The following CA10 variants were observed in gnomAD, a reference collection of about 807,000 sequenced individuals.
CA10 encodes the protein carbonic anhydrase-related protein 10.
Under a neutral mutation model 44.2 loss-of-function variants are expected in CA10, and 14 were observed. That is an observed-to-expected ratio of 0.32 (90% CI 0.21 to 0.50). The LOEUF is 0.50. CA10 is among the 20% of genes least tolerant of loss of function. CA10 has a pLI of 0.99. For missense variants in CA10, 350 were observed against 409.7 expected (o/e 0.85, Z 1.26); for synonymous variants, 159 against 141.6 (o/e 1.12, Z -0.87).
At chr17:52,047,068 AACT>A (rs1986932584) in intron 2 of CA10, among the ~76,000 whole-genome samples, 5 of 152,112 alleles carry the variant, frequency 3.3e-5, no homozygotes, top group South Asian at 2.1e-4. Context: ...ATCTAGAAGC[AACT>A]CAAACTGTTC....
chr17:51,978,532 TTCATA>T (rs1015393267), intron 2 of CA10, among the ~76,000 whole-genome samples: 1 of 151,876 alleles, frequency 6.6e-6, no homozygotes, highest in Non-Finnish European at 1.5e-5. Context: ...TAACCTCTAC[TTCATA>T]TCATATCATT....
At chr17:51,663,080 T>C (rs1170468081) in intron 4 of CA10, among the ~76,000 whole-genome samples, 1 of 152,262 alleles carries the variant, frequency 6.6e-6, no homozygotes. Flanking sequence ...TATCTAAGAA[T>C]TGTCATGAGA....
chr17:51,635,067 A>C (rs921332039), intron 7 of CA10, among the ~76,000 whole-genome samples: 15 of 152,236 alleles, frequency 9.9e-5, no homozygotes, highest in Non-Finnish European at 1.9e-4. Context: ...CTAGTTGCTC[A>C]GAATGTGACC....
chr17:51,849,578 G>A (rs1978698571), intron 3 of CA10, among the ~76,000 whole-genome samples: 1 of 152,050 alleles, frequency 6.6e-6, no homozygotes, highest in Non-Finnish European at 1.5e-5. Flanking sequence ...TAATCTTTCT[G>A]CAACTATTTC....
chr17:51,668,646 C>G lies in CA10; in HGVS notation c.466-14910G>C, dbSNP rs116480421. Among the ~76,000 whole-genome samples the G allele has an allele frequency of 7.4e-3, 1,124 of 152,318 alleles. 10 individuals are homozygous for G. Among genetic ancestry groups the G allele is most frequent in the African/African-American group, 0.025 (1,042 of 41,576 alleles). ...CAACCCTTGCTCGCTCTCGGGACCT[C>G]CTCGGCCTCTGCATCCACTCTGGCC... On this transcript the variant is annotated intron_variant, in intron 4 of 8. Coordinates refer to ENST00000451037, the MANE Select transcript of CA10 (RefSeq NM_020178.5).
intron 2 of CA10, among the ~76,000 whole-genome samples, chr17:51,951,453 A>G (rs1983477497): frequency 6.6e-6 from 1 of 152,180 alleles, no homozygotes; most frequent in Admixed American, 6.5e-5. Flanking sequence ...ATGATGCTCC[A>G]TTACTTAATT....
intron 3 of CA10, among the ~76,000 whole-genome samples, chr17:51,820,272 C>A (rs1907720433): frequency 7.2e-6 from 1 of 139,358 alleles, no homozygotes; most frequent in South Asian, 2.3e-4. Flanking sequence ...CCAATGCGTT[C>A]TTTTCTTGTG....
intron 3 of CA10, among the ~76,000 whole-genome samples, chr17:51,765,686 G>A (rs999998378): frequency 5.7e-5 from 7 of 122,774 alleles, no homozygotes; most frequent in Non-Finnish European, 1.1e-4. Flanking sequence ...AAGGCAGGCA[G>A]CTCCCTGTGT....
At chr17:51,770,105 T>C (rs1227998351) in intron 3 of CA10, among the ~76,000 whole-genome samples, 2 of 139,816 alleles carry the variant, frequency 1.4e-5, no homozygotes, top group Non-Finnish European at 3.1e-5. Flanking sequence ...TTAAACCTTT[T>C]AAAAATAGCC....
intron 2 of CA10, among the ~76,000 whole-genome samples, chr17:52,025,668 C>T (rs1406182472): frequency 1.3e-5 from 2 of 152,096 alleles, no homozygotes; most frequent in Admixed American, 6.6e-5. Flanking sequence ...AGGACACTGC[C>T]ATTTCTATTC....
intron 1 of CA10, among the ~76,000 whole-genome samples, chr17:52,142,351 A>G (rs1218853727): frequency 6.6e-6 from 1 of 152,206 alleles, no homozygotes; most frequent in Non-Finnish European, 1.5e-5. Context: ...CCTCCTTTAC[A>G]AAGAGACTAT....
At chr17:51,967,143 C>A (rs1393006906) in intron 2 of CA10, among the ~76,000 whole-genome samples, 2 of 151,584 alleles carry the variant, frequency 1.3e-5, no homozygotes, top group Non-Finnish European at 3.0e-5. Flanking sequence ...CACAGAGATA[C>A]CATCTGATGT....
At chr17:51,970,271 G>A (rs1391478416) in intron 2 of CA10, among the ~76,000 whole-genome samples, 2 of 151,804 alleles carry the variant, frequency 1.3e-5, no homozygotes, top group African/African-American at 2.4e-5. Flanking sequence ...TTAATTTTAT[G>A]AGAGTGTGGA....
At chr17:52,030,206 T>G (rs1463544514) in intron 2 of CA10, among the ~76,000 whole-genome samples, 1 of 152,234 alleles carries the variant, frequency 6.6e-6, no homozygotes, top group African/African-American at 2.4e-5. Flanking sequence ...TAGAAATGCA[T>G]GAATGGTTCT....
intron 2 of CA10, among the ~76,000 whole-genome samples, chr17:51,996,991 T>C (rs73987351): frequency 0.018 from 2,705 of 152,178 alleles, 86 homozygotes; most frequent in African/African-American, 0.062. Flanking sequence ...AGCCAACAGA[T>C]GTAGGCTAGG....
chr17:52,015,051 T>C (rs1204424886), intron 2 of CA10, among the ~76,000 whole-genome samples: 1 of 152,104 alleles, frequency 6.6e-6, no homozygotes, highest in Non-Finnish European at 1.5e-5. Flanking sequence ...ACATATAGTA[T>C]GTGCAATAAT....
At chr17:51,954,145 A>C (rs1354081218) in intron 2 of CA10, among the ~76,000 whole-genome samples, 1 of 152,188 alleles carries the variant, frequency 6.6e-6, no homozygotes, top group Non-Finnish European at 1.5e-5. Context: ...ACAGAAAGGA[A>C]AACTGAGGTT....
At chr17:52,086,798 T>C in intron 1 of CA10, among the ~76,000 whole-genome samples, 1 of 152,234 alleles carries the variant, frequency 6.6e-6, no homozygotes, top group Non-Finnish European at 1.5e-5. Context: ...TGTTATAAAA[T>C]GGGGTCTCAA....
chr17:51,686,029 G>T (rs1191176391), intron 4 of CA10, among the ~76,000 whole-genome samples: 2 of 148,194 alleles, frequency 1.3e-5, no homozygotes, highest in South Asian at 2.1e-4. Context: ...ACCTTGAATT[G>T]TAATAATCCC....
Sources: allele counts gnomAD v4.1 joint callset (sites outside exome capture counted in the v4.1 genomes callset), GRCh38; gene constraint gnomAD v4.1.1; transcripts MANE v1.5; gene names NCBI Gene and HGNC (gene_info 2026-07-23, HGNC 2026-07-21).